Variants in PEAK1 observed in about 807,000 individuals in gnomAD.
PEAK1 encodes pseudopodium enriched atypical kinase 1.
Under a neutral mutation model 124.7 loss-of-function variants are expected in PEAK1, and 54 were observed. The ratio of observed to expected loss-of-function variants is 0.43; its 90% CI spans 0.35 to 0.54. The LOEUF (loss-of-function observed/expected upper bound fraction) is 0.54. Ranked by LOEUF, PEAK1 falls within the 20% of genes least tolerant of loss-of-function variation. The pLI is 0.01. For synonymous variants in PEAK1, 719 were observed against 760.0 expected (o/e 0.95, Z 0.89); for missense variants, 2,046 against 2,134.5 (o/e 0.96, Z 0.82).
At chr15:77,351,188 G>T (rs2067188241) in intron 2 of PEAK1, among the ~76,000 whole-genome samples, 1 of 152,182 alleles carries the variant, frequency 6.6e-6, no homozygotes, top group Non-Finnish European at 1.5e-5. Flanking sequence ...AAGAAAAAAG[G>T]CTTGTCAGAC....
At chr15:77,389,133 T>C (rs2070232263) in intron 1 of PEAK1, among the ~76,000 whole-genome samples, 1 of 152,120 alleles carries the variant, frequency 6.6e-6, no homozygotes. Flanking sequence ...TTTAAATTTT[T>C]TGTAGACACA....
intron 6 of PEAK1, among the ~76,000 whole-genome samples, chr15:77,246,428 G>A (rs1050542972): frequency 2.0e-5 from 3 of 152,122 alleles, no homozygotes; most frequent in Non-Finnish European, 4.4e-5. Flanking sequence ...GGACGCTGAG[G>A]TAGGAGGATC....
chr15:77,386,530 G>C (rs141657485), intron 1 of PEAK1, among the ~76,000 whole-genome samples: 281 of 152,094 alleles, frequency 1.8e-3, no homozygotes, highest in African/African-American at 6.6e-3. Flanking sequence ...ATCCATTTAG[G>C]CTGGCTTTGT....
At chr15:77,142,559 G>C (rs1208138797) in intron 8 of PEAK1, among the ~76,000 whole-genome samples, 1 of 152,128 alleles carries the variant, frequency 6.6e-6, no homozygotes, top group East Asian at 1.9e-4. Flanking sequence ...AAACAAACCA[G>C]ATGTCCATCA....
intron 2 of PEAK1, among the ~76,000 whole-genome samples, chr15:77,314,184 T>C (rs1185263276): frequency 1.3e-5 from 2 of 152,182 alleles, no homozygotes; most frequent in African/African-American, 2.4e-5. Flanking sequence ...TATGCTATCA[T>C]TGTATTCTTT....
At chr15:77,205,674 T>C (rs906135449) in intron 6 of PEAK1, among the ~76,000 whole-genome samples, 30 of 152,300 alleles carry the variant, frequency 2.0e-4, no homozygotes, top group Admixed American at 1.7e-3. Flanking sequence ...GTATATAGTG[T>C]ATATGCTATT....
At chr15:77,127,586 T>G (rs1262640889) in intron 9 of PEAK1, among the ~76,000 whole-genome samples, 2 of 152,348 alleles carry the variant, frequency 1.3e-5, no homozygotes, top group African/African-American at 4.8e-5. Flanking sequence ...GGCAAAGAAC[T>G]TAGCAGGACT....
chr15:77,244,434 C>T lies in PEAK1; in HGVS notation c.-115+7933G>A, dbSNP rs1173368310. The stretch of plus-strand genomic sequence containing the variant: ...TCAGAATACTCCAGCCTTTACTTCC[C>T]TTCTGCACTTGGAGCTCATTGGGCT... On this transcript the variant is annotated intron_variant, in intron 6 of 9. Coordinates refer to ENST00000682557, the MANE Select transcript of PEAK1 (RefSeq NM_001385026.1). Among the ~76,000 whole-genome samples, 5 of 152,138 alleles carry T rather than the reference C, an allele frequency of 3.3e-5. No individual in the cohort carries two copies. The East Asian group carries it at 9.6e-4, about 29-fold the overall frequency.
At chr15:77,291,628 A>C (rs902872068) in intron 2 of PEAK1, among the ~76,000 whole-genome samples, 1 of 152,032 alleles carries the variant, frequency 6.6e-6, no homozygotes, top group African/African-American at 2.4e-5. Context: ...GGAATCATCC[A>C]TCTGGTGTAA....
At chr15:77,239,719 C>T in intron 6 of PEAK1, 2 of 513,836 alleles carry the variant, frequency 3.9e-6, no homozygotes, top group Non-Finnish European at 5.0e-6. Context: ...ACAATCATTA[C>T]CAGATTTACA....
chr15:77,386,495 A>T (rs2069953741), intron 1 of PEAK1, among the ~76,000 whole-genome samples: 1 of 152,166 alleles, frequency 6.6e-6, no homozygotes, highest in Admixed American at 6.5e-5. Context: ...TTACAATCAG[A>T]GGGAAAAAAT....
intron 2 of PEAK1, among the ~76,000 whole-genome samples, chr15:77,296,650 T>C (rs2063500884): frequency 6.7e-6 from 1 of 150,176 alleles, no homozygotes. Flanking sequence ...AAATGACAAA[T>C]TGAAAAAAAA....
intron 5 of PEAK1, among the ~76,000 whole-genome samples, chr15:77,259,499 A>AT (rs2061331032): frequency 6.6e-6 from 1 of 152,214 alleles, no homozygotes; most frequent in Non-Finnish European, 1.5e-5. Flanking sequence ...CAGTTCATTT[A>AT]TAACAATACT....
chr15:77,268,459 G>T (rs146689127), intron 5 of PEAK1, among the ~76,000 whole-genome samples: 1 of 150,862 alleles, frequency 6.6e-6, no homozygotes. Flanking sequence ...GGATGACAGA[G>T]CGAGATTCCA....
At position 77,113,887 on chromosome 15, in the gene PEAK1, C is replaced by A; in HGVS notation, c.*269G>T. On this transcript the variant is annotated 3_prime_UTR_variant, in exon 10 of 10. Transcript: ENST00000682557. ...GAATATGGATTTTCATTTTTACCTG[C>A]ATTTATGGGACTATTAGGATAGAAG... 2.3e-6 allele frequency: 1 copy of A among 442,334 alleles called. No individual in the cohort carries two copies. The highest frequency in any genetic ancestry group is 4.0e-6 in the Non-Finnish European group (1 of 248,814). 27.4% of individuals were successfully genotyped at this position (442,334 alleles called of 1,614,324 possible).
chr15:77,129,654 C>G (rs888490232), intron 9 of PEAK1, among the ~76,000 whole-genome samples: 1 of 150,748 alleles, frequency 6.6e-6, no homozygotes, highest in African/African-American at 2.4e-5. Context: ...CCATGTTGGC[C>G]AGGCTGGTCT....
intron 1 of PEAK1, among the ~76,000 whole-genome samples, chr15:77,408,352 G>A (rs1016050508): frequency 6.6e-6 from 1 of 151,188 alleles, no homozygotes; most frequent in African/African-American, 2.4e-5. Flanking sequence ...AGGATGCATA[G>A]GCATAAGAAT....
intron 1 of PEAK1, among the ~76,000 whole-genome samples, chr15:77,393,987 G>GCCTGGGACAATGTGGA (rs1034556653): frequency 1.3e-5 from 2 of 152,190 alleles, no homozygotes; most frequent in Admixed American, 6.5e-5. Context: ...CAGTAGCCAG[G>GCCTGGGACAATGTGGA]CAGTACTCAC....
In PEAK1 at chr15:77,407,712, C is replaced by G. The variant is rs150663840; in HGVS notation, c.-666+12294G>C. 4.3e-3 allele frequency among the ~76,000 whole-genome samples: 654 copies of G among 152,150 alleles called. 4 individuals carry two copies. The highest frequency in any genetic ancestry group is 0.015 in the African/African-American group (603 of 41,492). The stretch of plus-strand genomic sequence containing the variant: ...AACAGTATGGAGATTCCTTAAAGAA[C>G]TAAAAGTAGATTTACCATTTGACCC... On this transcript the variant is annotated intron_variant, in intron 1 of 9. Transcript: ENST00000682557.
Sources: allele counts gnomAD v4.1 joint callset (sites outside exome capture counted in the v4.1 genomes callset), GRCh38; gene constraint gnomAD v4.1.1; transcripts MANE v1.5; gene names NCBI Gene and HGNC (gene_info 2026-07-23, HGNC 2026-07-21).